Variants in CD163L1 observed in about 807,000 individuals in gnomAD.
CD163L1 encodes the protein scavenger receptor cysteine-rich type 1 protein M160.
Under a neutral mutation model 165.4 loss-of-function variants are expected in CD163L1, and 124 were observed. The ratio of observed to expected loss-of-function variants is 0.75; its 90% CI spans 0.65 to 0.87. The LOEUF is 0.87. Ranked by LOEUF, CD163L1 falls within the 40% of genes least tolerant of loss-of-function variation. The pLI, the probability that CD163L1 is intolerant of heterozygous loss-of-function variation, is 0.00. For synonymous variants in CD163L1, 585 were observed against 662.2 expected (o/e 0.88, Z 1.79); for missense variants, 1,525 against 1,799.9 (o/e 0.85, Z 2.76).
intron 8 of CD163L1, among the ~76,000 whole-genome samples, chr12:7,380,371 ATACATGTATGTGTGTATATG>A (rs1157924224): frequency 6.1e-5 from 9 of 146,940 alleles, no homozygotes; most frequent in African/African-American, 1.6e-4. Context: ...ACGCGTATAC[ATACATGTATGTGTGTATATG>A]CGTATACACA....
At chr12:7,378,886 A>G in intron 9 of CD163L1, 92 bp downstream of exon 9, 1 of 1,178,176 alleles carries the variant, frequency 8.5e-7, no homozygotes, top group Non-Finnish European at 1.2e-6. Context: ...CTTTTGACCT[A>G]ATACTGTTAA....
At chr12:7,394,906 G>A (rs1034380637) in intron 8 of CD163L1, among the ~76,000 whole-genome samples, 10 of 151,980 alleles carry the variant, frequency 6.6e-5, no homozygotes, top group East Asian at 3.9e-4. Context: ...ACCATCTCAC[G>A]CCAGTTAGAA....
At chr12:7,352,536 A>G (rs1946714584), downstream of CD163L1, among the ~76,000 whole-genome samples, 1 of 152,158 alleles carries the variant, frequency 6.6e-6, no homozygotes. Flanking sequence ...GCAGACTTCA[A>G]AAGTACTTGA....
At chr12:7,338,664 C>T in the CD163L1 span, among the ~76,000 whole-genome samples, 2 of 152,248 alleles carry the variant, frequency 1.3e-5, no homozygotes, top group Non-Finnish European at 2.9e-5. Flanking sequence ...CCCCGCTGAT[C>T]TAGTGTTTTA....
At chr12:7,326,954 TAA>T in the CD163L1 span, 1 of 1,578,210 alleles carries the variant, frequency 6.3e-7, no homozygotes, top group Non-Finnish European at 8.6e-7. Context: ...ATGAGCAAGA[TAA>T]ATTAACTTTT....
downstream of CD163L1, among the ~76,000 whole-genome samples, chr12:7,350,818 C>T (rs1463905716): frequency 6.6e-6 from 1 of 152,082 alleles, no homozygotes; most frequent in Non-Finnish European, 1.5e-5. Flanking sequence ...ACTACTCTTC[C>T]TCTTTATCCA....
chr12:7,398,637 GAAGACTGAAAAGACTCTCTAAA>G lies in CD163L1; in HGVS notation c.1409-75_1409-54del. ...GAGATCAAATGAGAGAGTCTTTTCA[GAAGACTGAAAAGACTCTCTAAA>G]TTCACGACTATAAGGCTTTGCCTAA... On this transcript the variant is annotated intron_variant, in intron 6 of 19. Transcript: ENST00000313599. The surrounding 1 kb of genome is among the most constrained non-coding windows in gnomAD (Gnocchi z 4.5). 4 of 1,455,398 alleles carry G rather than the reference GAAGACTGAAAAGACTCTCTAAA, an allele frequency of 2.7e-6. No individual in the cohort carries two copies. The highest frequency in any genetic ancestry group is 3.7e-6 in the Non-Finnish European group (4 of 1,083,648). The allele number at this position is 1,455,398 out of a possible 1,614,324, so 90.2% of individuals were successfully genotyped here.
chr12:7,385,175 G>A (rs1947490405), intron 8 of CD163L1, among the ~76,000 whole-genome samples: 1 of 147,882 alleles, frequency 6.8e-6, no homozygotes, highest in African/African-American at 2.5e-5. Flanking sequence ...CCATGTAAAT[G>A]AAAACCAACA....
Position 7,421,484 on chromosome 12 carries a change from C to CAT in CD163L1, c.766+10930_766+10931dup, listed in dbSNP as rs1243708673. Among the ~76,000 whole-genome samples the CAT allele has an allele frequency of 2.3e-4, 23 of 100,350 alleles. 1 individual carries two copies. The highest frequency in any genetic ancestry group is 6.8e-4 in the South Asian group (2 of 2,944). The allele number at this position is 100,350 out of a possible 152,430, so 65.8% of individuals were successfully genotyped here. On this transcript the variant is annotated intron_variant, in intron 4 of 19. Transcript: ENST00000313599. ...ATATACATATATATACATATATGTACATATATACATATATGTACATATACA... is the reference window on the plus strand; with the variant it reads ...ATATACATATATATACATATATGTACATATATATACATATATGTACATATACA...
intron 4 of CD163L1, among the ~76,000 whole-genome samples, chr12:7,407,797 A>ACC: frequency 6.6e-6 from 1 of 150,840 alleles, no homozygotes; most frequent in African/African-American, 2.4e-5. Flanking sequence ...ACACACACAC[A>ACC]CACACACACA....
intron 4 of CD163L1, among the ~76,000 whole-genome samples, chr12:7,408,265 T>G (rs963608573): frequency 1.3e-5 from 2 of 152,152 alleles, no homozygotes; most frequent in Non-Finnish European, 2.9e-5. Context: ...TGGTTTTGTA[T>G]GCATTTGTGT....
chr12:7,396,005 C>T lies in CD163L1; in HGVS notation c.2050+90G>A, dbSNP rs184114324. 84 of 1,005,614 alleles carry T rather than the reference C, an allele frequency of 8.4e-5. No homozygotes were observed. The African/African-American group carries it at 1.1e-3, about 14-fold the overall frequency. The allele number at this position is 1,005,614 out of a possible 1,614,324, so 62.3% of individuals were successfully genotyped here. A position where few individuals can be genotyped will look rare whatever the true frequency, so the allele number is the denominator to read the frequency against. ...TCTAAAAAAGTGAGCAATGAGCACTCGGTCATAAATGTACTGACTAAGAAG... is the reference window on the plus strand; with the variant it reads ...TCTAAAAAAGTGAGCAATGAGCACTTGGTCATAAATGTACTGACTAAGAAG... On this transcript the variant is annotated intron_variant, in intron 8 of 19. Coordinates refer to ENST00000313599, the MANE Select transcript of CD163L1 (RefSeq NM_174941.6).
intron 2 of CD163L1, chr12:7,439,567 T>G: frequency 6.3e-7 from 1 of 1,582,796 alleles, no homozygotes; most frequent in South Asian, 1.1e-5. Context: ...TGTCTTACTT[T>G]GCTGACCGCT....
At chr12:7,324,933 A>C in the CD163L1 span, among the ~76,000 whole-genome samples, 2 of 151,782 alleles carry the variant, frequency 1.3e-5, no homozygotes, top group Non-Finnish European at 2.9e-5. Flanking sequence ...GCCCCTCTTC[A>C]CTTTTGGCTC....
chr12:7,403,807 G>T lies in CD163L1; in HGVS notation c.1136C>A (p.Ser379Ter). Residue 379 changes from serine to a stop codon, truncating the protein, a stop_gained, in exon 6 of 20, where the codon TCA (serine) becomes TAA (stop). Transcript: ENST00000313599. LOFTEE classifies it high-confidence loss of function. ...ATGAATTCTCACCTCTACTCTCCCT[G>T]AACAATTGTTACTTCCATCTGCTAG... ...LRLADGSNNCSGRVEVRIHEQ... is the reference protein window; with the variant it reads ...LRLADGSNNC 6.2e-7 allele frequency: 1 copy of T among 1,613,310 alleles called. No homozygotes were observed. Among genetic ancestry groups the T allele is most frequent in the Non-Finnish European group, 8.5e-7 (1 of 1,179,844 alleles).
intron 6 of CD163L1, among the ~76,000 whole-genome samples, chr12:7,399,241 TTC>T (rs1304336042): frequency 6.6e-6 from 1 of 151,288 alleles, no homozygotes. Flanking sequence ...TCTCTCATTC[TTC>T]TTTCTCTCTC....
the CD163L1 span, among the ~76,000 whole-genome samples, chr12:7,334,638 CA>C: frequency 2.6e-5 from 4 of 152,126 alleles, no homozygotes; most frequent in Non-Finnish European, 5.9e-5. Flanking sequence ...AAGTTCCAGC[CA>C]GGGCAATCAG....
At chr12:7,420,070 G>T (rs1023144064) in intron 4 of CD163L1, among the ~76,000 whole-genome samples, 11 of 152,026 alleles carry the variant, frequency 7.2e-5, no homozygotes, top group African/African-American at 2.7e-4. Flanking sequence ...ACAGCCAACT[G>T]ATCTTTAACA....
the CD163L1 span, among the ~76,000 whole-genome samples, chr12:7,330,855 T>C: frequency 2.6e-5 from 4 of 152,278 alleles, no homozygotes; most frequent in South Asian, 8.3e-4. Flanking sequence ...GCTCCCAGCA[T>C]GAGTGACGCA....
Sources: gnomAD v4.1 joint callset for allele counts (sites outside exome capture counted in the v4.1 genomes callset) on GRCh38, gnomAD v4.1.1 for gene constraint, Gnocchi (gnomAD v3.1) non-coding constraint, MANE v1.5 for transcripts, NCBI Gene and HGNC (gene_info 2026-07-23, HGNC 2026-07-21) for gene names.